Variants in ZBP1 observed in about 807,000 individuals in gnomAD.
ZBP1 encodes Z-DNA binding protein 1.
ZBP1 carries 42 observed loss-of-function variants against 41.1 expected under a neutral mutation model. That is an observed-to-expected ratio of 1.02 (90% CI 0.80 to 1.32). The LOEUF (loss-of-function observed/expected upper bound fraction) is 1.32. Ranked by LOEUF, ZBP1 falls within the 40% of genes most tolerant of loss-of-function variation. The pLI is 0.00. For synonymous variants in ZBP1, 214 were observed against 205.2 expected, an observed-to-expected ratio of 1.04 and a Z score of -0.37; for missense variants, 562 against 549.7, an observed-to-expected ratio of 1.02 and a Z score of -0.22.
chr20:57,604,807 C>A, intron 7 of ZBP1, 38 bp from the exon 8 acceptor site: 1 of 1,591,656 alleles, frequency 6.3e-7, no homozygotes, highest in Non-Finnish European at 8.6e-7. Flanking sequence ...TTCATGGGCA[C>A]GTGGCCTGGG....
At chr20:57,618,170 GC>G (rs542445064) in intron 1 of ZBP1, 1 of 152,476 alleles carries the variant, frequency 6.6e-6, no homozygotes, top group South Asian at 2.1e-4. Flanking sequence ...GCAGCACCTG[GC>G]AGCCAGCAGC....
At chr20:57,607,320 A>G (rs2070522557) in intron 7 of ZBP1, 1 of 1,285,164 alleles carries the variant, frequency 7.8e-7, no homozygotes, top group Non-Finnish European at 1.0e-6. Context: ...TGGTGGAAAT[A>G]GCAGGAAAAC....
Position 57,604,443 on chromosome 20 carries a change from G to A in ZBP1, c.*130C>T. ...ATGCCAGGTCCATTCCCCCAAAACT[G>A]ATTCATGCAGGTTATGTCTGGAAGC... On this transcript the variant is annotated 3_prime_UTR_variant, in exon 8 of 8. Coordinates refer to ENST00000371173, the MANE Select transcript of ZBP1 (RefSeq NM_030776.3). 8.3e-7 allele frequency: 1 copy of A among 1,204,188 alleles called. No homozygotes were observed. Among genetic ancestry groups the A allele is most frequent in the African/African-American group, 1.5e-5 (1 of 66,956 alleles). The allele number at this position is 1,204,188 out of a possible 1,614,324, so 74.6% of individuals were successfully genotyped here.
intron 4 of ZBP1, among the ~76,000 whole-genome samples, chr20:57,614,082 T>C (rs1233975500): frequency 2.0e-5 from 3 of 152,262 alleles, no homozygotes; most frequent in African/African-American, 4.8e-5. Context: ...TTGCCCAGGC[T>C]GGAGTGCAAT....
intron 1 of ZBP1, chr20:57,616,769 G>C (rs1176526941): frequency 2.3e-6 from 1 of 443,632 alleles, no homozygotes; most frequent in African/African-American, 2.0e-5. Context: ...GGGTTCCTCA[G>C]CTCTCAGGTG....
intron 1 of ZBP1, chr20:57,616,911 G>A (rs1019016302): frequency 1.9e-5 from 4 of 210,034 alleles, no homozygotes; most frequent in South Asian, 7.1e-5. Flanking sequence ...CATCCTCCCC[G>A]GGAGTGCCCT....
rs1406347571 is a variant in ZBP1, at chr20:57,608,404, G to A, written c.1093+1745C>T. Among the ~76,000 whole-genome samples, 5 of 152,244 alleles carry A rather than the reference G, an allele frequency of 3.3e-5. No homozygotes were observed. In the East Asian group the frequency reaches 7.7e-4, roughly 23 times the overall value. ...CCCAAAGTGCTGGGATTACAGGCATGAGCCACTACACCCAGAAGTGTGGCT... is the reference window on the plus strand; with the variant it reads ...CCCAAAGTGCTGGGATTACAGGCATAAGCCACTACACCCAGAAGTGTGGCT... On this transcript the variant is annotated intron_variant, in intron 7 of 7. Coordinates refer to ENST00000371173, the MANE Select transcript of ZBP1 (RefSeq NM_030776.3).
In ZBP1 at chr20:57,615,433, G is replaced by T. The variant is rs905447545; in HGVS notation, c.328+79C>A. 8.7e-5 allele frequency: 129 copies of T among 1,481,492 alleles called. No homozygotes were observed. The African/African-American group carries it at 1.7e-3, about 20-fold the overall frequency. 91.8% of individuals were successfully genotyped at this position (1,481,492 alleles called of 1,614,324 possible). On this transcript the variant is annotated intron_variant, in intron 3 of 7. Coordinates refer to ENST00000371173, the MANE Select transcript of ZBP1 (RefSeq NM_030776.3). ...GGCCCCTGAACACTGGTGAGATCTTGTACCCTCAAGGAGGGCCTGGGGTTC... is the reference window on the plus strand; with the variant it reads ...GGCCCCTGAACACTGGTGAGATCTTTTACCCTCAAGGAGGGCCTGGGGTTC...
At chr20:57,619,837 T>C (rs2070952864) in intron 1 of ZBP1, among the ~76,000 whole-genome samples, 3 of 134,544 alleles carry the variant, frequency 2.2e-5, no homozygotes, top group Non-Finnish European at 3.1e-5. Flanking sequence ...TCCCTTTCTA[T>C]TTTTTTTTTT....
chr20:57,608,230 T>A (rs971392386), intron 7 of ZBP1, among the ~76,000 whole-genome samples: 1 of 152,122 alleles, frequency 6.6e-6, no homozygotes, highest in Non-Finnish European at 1.5e-5. Context: ...TACGCCATTC[T>A]CCTGCCTCAG....
In ZBP1 at chr20:57,609,763, A is replaced by T. The variant is rs553210133; in HGVS notation, c.1093+386T>A. On this transcript the variant is annotated intron_variant, in intron 7 of 7. Transcript: ENST00000371173. ...GCAACCCAGCACCTCTCTCGGGCCC[A>T]AAACAATCACCACAACAATGATGAG... is the stretch of plus-strand genomic sequence containing the variant. Among the ~76,000 whole-genome samples, 9 of 152,252 alleles carry T rather than the reference A, an allele frequency of 5.9e-5. No homozygotes were observed. In the South Asian group the frequency reaches 1.9e-3, roughly 32 times the overall value.
At chr20:57,604,984 G>A (rs1415815151) in intron 7 of ZBP1, among the ~76,000 whole-genome samples, 1 of 152,176 alleles carries the variant, frequency 6.6e-6, no homozygotes, top group African/African-American at 2.4e-5. Context: ...ACAGCAGTGA[G>A]ATGGAGGAGC....
Position 57,611,734 on chromosome 20 carries a change from G to T in ZBP1, c.867C>A (p.Ser289Arg). The stretch of plus-strand genomic sequence containing the variant: ...CCTCTAGATCCCAGTTACCTGGGGG[G>T]CTGCCAGGGGGGATGTGGGCAGGGC... ...SEGPAHIPPG[S>R]PPVSATAAGP... Residue 289 changes from serine (S) to arginine (R), a missense_variant, in exon 6 of 8, where the codon AGC becomes AGA. Ser to Arg is a moderately radical substitution (Grantham distance 110, BLOSUM62 -1). Coordinates refer to ENST00000371173, the MANE Select transcript of ZBP1 (RefSeq NM_030776.3). 1 of 1,608,380 alleles carries T rather than the reference G, an allele frequency of 6.2e-7. No individual in the cohort carries two copies. Among genetic ancestry groups the T allele is most frequent in the Admixed American group, 1.7e-5 (1 of 59,456 alleles).
At chr20:57,609,873 C>G (rs1335314828) in intron 7 of ZBP1, among the ~76,000 whole-genome samples, 1 of 152,164 alleles carries the variant, frequency 6.6e-6, no homozygotes, top group Non-Finnish European at 1.5e-5. Context: ...GTCTTGCAAC[C>G]ACTGTAGGAG....
rs886934448 is a variant in ZBP1, at chr20:57,610,930, C to T, written c.875-563G>A. ...GCTTCCCTGGTCTCACCAGCCTGGCCCCTCTCTGGAGACTCCTTTCCCGGG... is the reference window on the plus strand; with the variant it reads ...GCTTCCCTGGTCTCACCAGCCTGGCTCCTCTCTGGAGACTCCTTTCCCGGG... On this transcript the variant is annotated intron_variant, in intron 6 of 7. Coordinates refer to ENST00000371173, the MANE Select transcript of ZBP1 (RefSeq NM_030776.3). This position sits in a 1 kb window ranked among gnomAD's most constrained non-coding sequence, Gnocchi z 5.5. Among the ~76,000 whole-genome samples the T allele has an allele frequency of 1.3e-5, 2 of 152,148 alleles. No homozygotes were observed. The highest frequency in any genetic ancestry group is 4.1e-4 in the South Asian group (2 of 4,834).
intron 7 of ZBP1, 81 bp from the exon 8 acceptor site, chr20:57,604,850 T>A: frequency 7.4e-7 from 1 of 1,354,012 alleles, no homozygotes; most frequent in Non-Finnish European, 1.0e-6. Flanking sequence ...TGGAAGGATT[T>A]CGAGCTCAGC....
rs912041801 is a variant in ZBP1 at position 57,604,314 on chromosome 20, C to G, written c.*259G>C. 1.6e-6 allele frequency: 1 copy of G among 631,694 alleles called. No homozygotes were observed. Among genetic ancestry groups the G allele is most frequent in the African/African-American group, 1.8e-5 (1 of 55,674 alleles). The allele number at this position is 631,694 out of a possible 1,614,324, so 39.1% of individuals were successfully genotyped here. A position where few individuals can be genotyped will look rare whatever the true frequency, so the allele number is the denominator to read the frequency against. On this transcript the variant is annotated 3_prime_UTR_variant, in exon 8 of 8. Transcript: ENST00000371173. The stretch of plus-strand genomic sequence containing the variant: ...TCCCCTGGGCCTGGGGGACCGAGCC[C>G]CACTCCCATCTACCCACCTCCTCTT...
Position 57,613,333 on chromosome 20 carries a change from G to C in ZBP1, c.503-3C>G. ...CTTTGCTCTTCTTCCAGAATCTTCT[G>C]CAAAATAATATTCAACTGTATCCCT... is the stretch of plus-strand genomic sequence containing the variant. On this transcript the variant is annotated splice_region_variant and splice_polypyrimidine_tract_variant and intron_variant, in intron 4 of 7. Transcript: ENST00000371173. This position sits in a 1 kb window ranked among gnomAD's most constrained non-coding sequence, Gnocchi z 4.5. 1 of 1,612,294 alleles carries C rather than the reference G, an allele frequency of 6.2e-7. No individual in the cohort carries two copies.
rs1216338942 is a variant in ZBP1 at position 57,604,341 on chromosome 20, G to A, written c.*232C>T. 1.5e-6 allele frequency: 1 copy of A among 662,256 alleles called. No homozygotes were observed. The highest frequency in any genetic ancestry group is 3.0e-5 in the East Asian group (1 of 33,056). The allele number at this position is 662,256 out of a possible 1,614,324, so 41.0% of individuals were successfully genotyped here. On this transcript the variant is annotated 3_prime_UTR_variant, in exon 8 of 8. Coordinates refer to ENST00000371173, the MANE Select transcript of ZBP1 (RefSeq NM_030776.3). Reference sequence around the variant, plus strand: ...ACTCCCATCTACCCACCTCCTCTTGGCACACCAAAGGTTCCCCAAGGCAAC... The same window carrying A: ...ACTCCCATCTACCCACCTCCTCTTGACACACCAAAGGTTCCCCAAGGCAAC...
Sources: gnomAD v4.1 joint callset for allele counts (sites outside exome capture counted in the v4.1 genomes callset) on GRCh38, gnomAD v4.1.1 for gene constraint, Gnocchi (gnomAD v3.1) non-coding constraint, MANE v1.5 for transcripts, NCBI Gene and HGNC (gene_info 2026-07-23, HGNC 2026-07-21) for gene names.